Variants in GLYATL3 observed in about 807,000 individuals in gnomAD.
GLYATL3 encodes the protein glycine-N-acyltransferase like 3, also known as glycine N-acyltransferase-like protein 3.
In GLYATL3, 31 loss-of-function variants were observed where a neutral mutation model predicts 28.5. The observed-to-expected ratio is 1.09, with a 90% CI of 0.82 to 1.47. The LOEUF (loss-of-function observed/expected upper bound fraction) is 1.47, where lower values mean the gene tolerates loss of function less well. GLYATL3 is among the 40% of genes most tolerant of loss of function. GLYATL3 has a pLI of 0.00. For synonymous variants in GLYATL3, 141 were observed against 140.2 expected (o/e 1.01, Z -0.04); for missense variants, 369 against 351.5 (o/e 1.05, Z -0.40).
intron 1 of GLYATL3, among the ~76,000 whole-genome samples, chr6:49,502,343 C>T (rs910910361): frequency 6.6e-6 from 1 of 152,196 alleles, no homozygotes; most frequent in Admixed American, 6.5e-5. Context: ...CCGTCTAAAA[C>T]TTCAGCACTG....
intron 1 of GLYATL3, among the ~76,000 whole-genome samples, chr6:49,511,631 A>G (rs1769124275): frequency 6.6e-6 from 1 of 152,222 alleles, no homozygotes; most frequent in Non-Finnish European, 1.5e-5. Flanking sequence ...TAGGTTACTC[A>G]GGATGGATTT....
chr6:49,501,426 A>G (rs917542555), intron 1 of GLYATL3, among the ~76,000 whole-genome samples: 2 of 152,182 alleles, frequency 1.3e-5, no homozygotes, highest in African/African-American at 4.8e-5. Flanking sequence ...ACCAGCATTT[A>G]TTATTAAGTT....
At position 49,526,918 on chromosome 6, in the gene GLYATL3, A is replaced by G. The variant is rs544410476; in HGVS notation, c.*4A>G. On this transcript the variant is annotated 3_prime_UTR_variant, in exon 6 of 6. Transcript: ENST00000371197. ...CTCTGGCCTGCCTCACCTCTAGCCC[A>G]GTAAAAAACTGCAGTGGTTTTATTA... 6.7e-6 allele frequency: 10 copies of G among 1,495,008 alleles called. No individual in the cohort carries two copies. The South Asian group carries it at 9.1e-5, about 14-fold the overall frequency. 92.6% of individuals were successfully genotyped at this position (1,495,008 alleles called of 1,614,324 possible).
At chr6:49,501,462 A>T (rs929231149) in intron 1 of GLYATL3, among the ~76,000 whole-genome samples, 5 of 152,168 alleles carry the variant, frequency 3.3e-5, no homozygotes, top group Non-Finnish European at 5.9e-5. Context: ...TAGGTTAGTG[A>T]GGGATTTAGG....
rs935021477 is a variant in GLYATL3 at position 49,526,982 on chromosome 6, G to A, written c.*68G>A. Reference sequence around the variant, plus strand: ...TACACACACTCTTGGCTGCCAACGAGGGGAGAGTTAAAATGGGAATCAGGG... The same window carrying A: ...TACACACACTCTTGGCTGCCAACGAAGGGAGAGTTAAAATGGGAATCAGGG... On this transcript the variant is annotated 3_prime_UTR_variant, in exon 6 of 6. Coordinates refer to ENST00000371197, the MANE Select transcript of GLYATL3 (RefSeq NM_001010904.2). The A allele has an allele frequency of 3.1e-5, 37 of 1,184,848 alleles. No homozygotes were observed. Among genetic ancestry groups the A allele is most frequent in the African/African-American group, 6.2e-5 (4 of 64,830 alleles). The allele number at this position is 1,184,848 out of a possible 1,614,324, so 73.4% of individuals were successfully genotyped here. A position where few individuals can be genotyped will look rare whatever the true frequency, so the allele number is the denominator to read the frequency against.
Position 49,526,819 on chromosome 6 carries a change from A to G in GLYATL3, c.772A>G (p.Ser258Gly). 6.4e-7 allele frequency: 1 copy of G among 1,552,126 alleles called. No individual in the cohort carries two copies. Among genetic ancestry groups the G allele is most frequent in the African/African-American group, 1.4e-5 (1 of 73,160 alleles). ...NVLDDNTASI[S>G]LLKSLHAEFL... ...CCTGGATGACAACACGGCGTCTATA[A>G]GCCTCCTGAAGAGTCTCCATGCTGA... The change falls in exon 6 of 6, where the codon AGC becomes GGC. Residue 258 changes from serine (S) to glycine (G), a missense_variant. Ser to Gly is a moderately conservative substitution (Grantham distance 56). Coordinates refer to ENST00000371197, the MANE Select transcript of GLYATL3 (RefSeq NM_001010904.2).
intron 5 of GLYATL3, among the ~76,000 whole-genome samples, chr6:49,522,272 A>G (rs1769329665): frequency 6.6e-6 from 1 of 152,084 alleles, no homozygotes; most frequent in African/African-American, 2.4e-5. Context: ...TCCCACCCCC[A>G]CACACCTTTT....
At chr6:49,517,021 T>C (rs998350962) in intron 3 of GLYATL3, among the ~76,000 whole-genome samples, 1 of 150,430 alleles carries the variant, frequency 6.6e-6, no homozygotes, top group African/African-American at 2.4e-5. Flanking sequence ...CTGGGTGTGG[T>C]GGCGTGCACC....
rs565838986 is a variant in GLYATL3 at position 49,523,624 on chromosome 6, G to A, written c.440+1853G>A. Among the ~76,000 whole-genome samples the A allele has an allele frequency of 4.6e-5, 7 of 152,286 alleles. No homozygotes were observed. In the East Asian group the frequency reaches 1.2e-3, roughly 25 times the overall value. On this transcript the variant is annotated intron_variant, in intron 5 of 5. Transcript: ENST00000371197. Reference sequence around the variant, plus strand: ...GCCTTTTTAAGGGCGATGGCCTCAAGCCTTCTATGTTAGTCTTTTCTGCAC... The same window carrying A: ...GCCTTTTTAAGGGCGATGGCCTCAAACCTTCTATGTTAGTCTTTTCTGCAC...
chr6:49,527,334 CCT>C lies in GLYATL3; in HGVS notation c.*421_*422del, dbSNP rs1769440238. Among the ~76,000 whole-genome samples, 1 of 152,160 alleles carries C rather than the reference CCT, an allele frequency of 6.6e-6. No homozygotes were observed. The highest frequency in any genetic ancestry group is 6.5e-5 in the Admixed American group (1 of 15,276). On this transcript the variant is annotated 3_prime_UTR_variant, in exon 6 of 6. Coordinates refer to ENST00000371197, the MANE Select transcript of GLYATL3 (RefSeq NM_001010904.2). ...CGCTTCCCTACTGCCATCATATTCC[CCT>C]GTCCCCACTGCTATGTCTCATCAAC...
At chr6:49,519,155 T>C (rs1769270970) in intron 4 of GLYATL3, among the ~76,000 whole-genome samples, 1 of 152,168 alleles carries the variant, frequency 6.6e-6, no homozygotes, top group Non-Finnish European at 1.5e-5. Context: ...TGAAAAATCA[T>C]GGTAATAATT....
In GLYATL3 at chr6:49,527,115, G is replaced by A. The variant is rs891772928; in HGVS notation, c.*201G>A. The A allele has an allele frequency of 5.6e-6, 3 of 535,106 alleles. No individual in the cohort carries two copies. Among genetic ancestry groups the A allele is most frequent in the Non-Finnish European group, 9.9e-6 (3 of 303,992 alleles). 33.1% of individuals were successfully genotyped at this position (535,106 alleles called of 1,614,324 possible). A position where few individuals can be genotyped will look rare whatever the true frequency, so the allele number is the denominator to read the frequency against. On this transcript the variant is annotated 3_prime_UTR_variant, in exon 6 of 6. Coordinates refer to ENST00000371197, the MANE Select transcript of GLYATL3 (RefSeq NM_001010904.2). ...TCCAGTAAATAGCTGTGGGGGTGAA[G>A]AGTAGCTGTGGCTGAAGACTGAGGA...
intron 1 of GLYATL3, among the ~76,000 whole-genome samples, chr6:49,503,406 A>T (rs1403500595): frequency 6.6e-6 from 1 of 152,236 alleles, no homozygotes; most frequent in East Asian, 1.9e-4. Context: ...TAAGTGGGGA[A>T]CAATGAGCCT....
intron 3 of GLYATL3, among the ~76,000 whole-genome samples, chr6:49,517,173 AAAAG>A (rs1214044398): frequency 7.0e-6 from 1 of 143,052 alleles, no homozygotes; most frequent in African/African-American, 2.6e-5. Flanking sequence ...AAAAAAAAAG[AAAAG>A]AAAGAAAGAC....
At chr6:49,518,074 T>C (rs963862339) in intron 4 of GLYATL3, among the ~76,000 whole-genome samples, 8 of 152,182 alleles carry the variant, frequency 5.3e-5, no homozygotes, top group Non-Finnish European at 1.2e-4. Context: ...CTAGGCTGGA[T>C]GCAGTGGTGT....
intron 1 of GLYATL3, among the ~76,000 whole-genome samples, chr6:49,511,247 A>G (rs909775361): frequency 6.6e-6 from 1 of 152,188 alleles, no homozygotes; most frequent in Non-Finnish European, 1.5e-5. Flanking sequence ...GAAGCCCCCA[A>G]ATCTAAAAAA....
intron 1 of GLYATL3, among the ~76,000 whole-genome samples, chr6:49,509,982 CTTTCTTTCTTTCTTTCTTTCTCTT>C (rs1769088304): frequency 1.5e-5 from 2 of 136,398 alleles, no homozygotes; most frequent in Non-Finnish European, 3.2e-5. Context: ...TTCTTTCTTT[CTTTCTTTCTTTCTTTCTTTCTCTT>C]TCTTTCCTTC....
At chr6:49,504,397 C>A (rs1354675406) in intron 1 of GLYATL3, among the ~76,000 whole-genome samples, 2 of 152,010 alleles carry the variant, frequency 1.3e-5, no homozygotes, top group African/African-American at 2.4e-5. Context: ...TGGGGAAACA[C>A]AAGCATAGCC....
chr6:49,514,408 A>C (rs1769176181), intron 2 of GLYATL3, among the ~76,000 whole-genome samples: 1 of 152,254 alleles, frequency 6.6e-6, no homozygotes, highest in Admixed American at 6.5e-5. Context: ...ACTGTTGATG[A>C]ACATGAATGG....
Sources: allele counts gnomAD v4.1 joint callset (sites outside exome capture counted in the v4.1 genomes callset), GRCh38; gene constraint gnomAD v4.1.1; transcripts MANE v1.5; gene names NCBI Gene and HGNC (gene_info 2026-07-23, HGNC 2026-07-21).